The following LDLRAD4 variants were observed in gnomAD, a reference collection of about 807,000 sequenced individuals.
LDLRAD4 encodes low density lipoprotein receptor class A domain containing 4.
A neutral mutation model predicts 17.0 loss-of-function variants in LDLRAD4; 5 were observed. The ratio of observed to expected loss-of-function variants is 0.29; its 90% CI spans 0.15 to 0.62. LDLRAD4 has a LOEUF of 0.62. LDLRAD4 is among the 20% of genes least tolerant of loss of function. LDLRAD4 has a pLI of 0.84. For synonymous variants in LDLRAD4, 168 were observed against 171.8 expected (o/e 0.98, Z 0.17); for missense variants, 340 against 424.7 (o/e 0.80, Z 1.75).
At chr18:13,263,667 T>G (rs768964583) in intron 1 of LDLRAD4, among the ~76,000 whole-genome samples, 11 of 152,226 alleles carry the variant, frequency 7.2e-5, no homozygotes, top group African/African-American at 2.2e-4. Flanking sequence ...AAAAGGAAGA[T>G]GTTGGTAATC....
At chr18:13,476,485 A>C (rs1013267563) in intron 3 of LDLRAD4, among the ~76,000 whole-genome samples, 16 of 152,038 alleles carry the variant, frequency 1.1e-4, no homozygotes, top group African/African-American at 3.4e-4. Context: ...TTAGCCTGGC[A>C]TGGTGGTGTG....
Position 13,628,513 on chromosome 18 carries a change from C to A in LDLRAD4, c.336+7242C>A, listed in dbSNP as rs76773701. Among the ~76,000 whole-genome samples the A allele has an allele frequency of 4.0e-3, 609 of 152,364 alleles. 5 individuals are homozygous for A. Among genetic ancestry groups the A allele is most frequent in the East Asian group, 0.022 (113 of 5,190 alleles). On this transcript the variant is annotated intron_variant, in intron 4 of 5. Coordinates refer to ENST00000359446, the Ensembl canonical transcript of LDLRAD4. ...GCATGTCTGTCTGAGTGAGCAAGGACTTCCAATTATCAGGCTGCCCAGGTG... is the reference window on the plus strand; with the variant it reads ...GCATGTCTGTCTGAGTGAGCAAGGAATTCCAATTATCAGGCTGCCCAGGTG...
intron 3 of LDLRAD4, among the ~76,000 whole-genome samples, chr18:13,470,389 T>C (rs1400241069): frequency 6.6e-6 from 1 of 151,786 alleles, no homozygotes; most frequent in Non-Finnish European, 1.5e-5. Context: ...GGTTAGAAAA[T>C]CATACTGTCA....
intron 1 of LDLRAD4, among the ~76,000 whole-genome samples, chr18:13,375,474 G>A (rs2084837841): frequency 6.6e-6 from 1 of 152,204 alleles, no homozygotes; most frequent in Non-Finnish European, 1.5e-5. Flanking sequence ...GCTCGGCAGT[G>A]CGAGTGAGTC....
At position 13,226,180 on chromosome 18, in the gene LDLRAD4, C is replaced by CTTTTTTTTTTTTTTTTTTTTTTTTTTTT. The variant is rs71174166; in HGVS notation, c.-467+7213_-467+7214insTTTTTTTTTTTTTTTTTTTTTTTTTTTT. ...GGACTACAGATGCTGCCATGCCTTG[C>CTTTTTTTTTTTTTTTTTTTTTTTTTTTT]TTTTTTTTTTTTTTTTTTTTTGTAG... On this transcript the variant is annotated intron_variant, in intron 1 of 5. Coordinates refer to the LDLRAD4 transcript ENST00000399848. Among the ~76,000 whole-genome samples, 7 of 52,188 alleles carry CTTTTTTTTTTTTTTTTTTTTTTTTTTTT rather than the reference C, an allele frequency of 1.3e-4. 2 individuals are homozygous for CTTTTTTTTTTTTTTTTTTTTTTTTTTTT. Among genetic ancestry groups the CTTTTTTTTTTTTTTTTTTTTTTTTTTTT allele is most frequent in the Non-Finnish European group, 1.6e-4 (5 of 30,748 alleles). 34.2% of individuals were successfully genotyped at this position (52,188 alleles called of 152,430 possible).
intron 3 of LDLRAD4, among the ~76,000 whole-genome samples, chr18:13,525,601 G>T (rs77935572): frequency 0.024 from 3,623 of 152,362 alleles, 149 homozygotes; most frequent in African/African-American, 0.082. Flanking sequence ...GTCTGGGAAG[G>T]TCTTGGCATC....
chr18:13,525,887 C>A (rs373044510), intron 3 of LDLRAD4, among the ~76,000 whole-genome samples: 2 of 152,246 alleles, frequency 1.3e-5, no homozygotes, highest in East Asian at 3.8e-4. Context: ...GCCTCACCAC[C>A]CCCTTTATCA....
intron 1 of LDLRAD4, among the ~76,000 whole-genome samples, chr18:13,379,719 G>T (rs2085197115): frequency 6.6e-6 from 1 of 152,228 alleles, no homozygotes. Flanking sequence ...GAAGCCTGCT[G>T]TGAGCTGACA....
At chr18:13,355,875 C>A (rs1454128) in intron 1 of LDLRAD4, among the ~76,000 whole-genome samples, 44,645 of 152,140 alleles carry the variant, frequency 0.29, 6,602 homozygotes, top group South Asian at 0.36. Context: ...AAGTGATCCT[C>A]CCACCCTGGC....
chr18:13,324,918 CAT>C (rs2081439672), intron 1 of LDLRAD4, among the ~76,000 whole-genome samples: 2 of 152,266 alleles, frequency 1.3e-5, no homozygotes, highest in South Asian at 2.1e-4. Flanking sequence ...ATACATGTGA[CAT>C]GTGAAAGGAG....
intron 4 of LDLRAD4, among the ~76,000 whole-genome samples, chr18:13,635,229 C>T (rs569045821): frequency 2.0e-4 from 31 of 152,286 alleles, no homozygotes; most frequent in Non-Finnish European, 3.7e-4. Context: ...AGTGCCAGCA[C>T]GGTTGGGTTC....
chr18:13,426,608 C>T (rs1184522227), intron 2 of LDLRAD4, among the ~76,000 whole-genome samples: 1 of 152,174 alleles, frequency 6.6e-6, no homozygotes, highest in Non-Finnish European at 1.5e-5. Flanking sequence ...CACGCAATAG[C>T]TTGCCACCCA....
At chr18:13,568,712 T>C (rs1417725901) in intron 3 of LDLRAD4, among the ~76,000 whole-genome samples, 1 of 152,184 alleles carries the variant, frequency 6.6e-6, no homozygotes. Context: ...TCAGGACCTG[T>C]GGCCTTCGTT....
At chr18:13,506,915 G>A (rs547463809) in intron 3 of LDLRAD4, among the ~76,000 whole-genome samples, 1 of 152,284 alleles carries the variant, frequency 6.6e-6, no homozygotes, top group East Asian at 1.9e-4. Context: ...CTGCAGTTTC[G>A]GCGCTGACAG....
At chr18:13,525,035 G>C (rs565299112) in intron 3 of LDLRAD4, among the ~76,000 whole-genome samples, 2 of 152,194 alleles carry the variant, frequency 1.3e-5, no homozygotes, top group Non-Finnish European at 2.9e-5. Context: ...GTGTGCGTGC[G>C]CCTTTGCATG....
Position 13,610,761 on chromosome 18 carries a change from G to T in LDLRAD4, c.182-10356G>T, listed in dbSNP as rs1252748957. ...AAGGGGCGCTGGTAGCCAGGGAGGG[G>T]CGGCTTGAAGTGGCTGCAGCTTCTA... On this transcript the variant is annotated intron_variant, in intron 3 of 5. Coordinates refer to ENST00000359446, the Ensembl canonical transcript of LDLRAD4. 4.6e-5 allele frequency among the ~76,000 whole-genome samples: 7 copies of T among 152,184 alleles called. 1 individual carries two copies. The highest frequency in any genetic ancestry group is 4.6e-4 in the Admixed American group (7 of 15,284).
At chr18:13,252,763 A>C (rs186731239) in intron 1 of LDLRAD4, among the ~76,000 whole-genome samples, 1 of 152,342 alleles carries the variant, frequency 6.6e-6, no homozygotes, top group East Asian at 1.9e-4. Flanking sequence ...TGTGACATGC[A>C]GAACCAGCCT....
At position 13,390,247 on chromosome 18, in the gene LDLRAD4, C is replaced by T. The variant is rs1173979348; in HGVS notation, c.40+2485C>T. 5.3e-5 allele frequency among the ~76,000 whole-genome samples: 8 copies of T among 152,230 alleles called. No individual in the cohort carries two copies. The East Asian group carries it at 1.5e-3, about 29-fold the overall frequency. On this transcript the variant is annotated intron_variant, in intron 2 of 5. Transcript: ENST00000359446. ...CTGGCTGAGGAACAAGGTGTGCCAG[C>T]GGCAGTGGTGGGGTGTTCGCCACAG... is the stretch of plus-strand genomic sequence containing the variant.
At chr18:13,245,161 G>T (rs2042893550) in intron 1 of LDLRAD4, among the ~76,000 whole-genome samples, 1 of 152,184 alleles carries the variant, frequency 6.6e-6, no homozygotes, top group African/African-American at 2.4e-5. Flanking sequence ...CATTCCATGT[G>T]GAGCTCGTGG....
Sources: gnomAD v4.1 joint callset for allele counts (sites outside exome capture counted in the v4.1 genomes callset) on GRCh38, gnomAD v4.1.1 for gene constraint, MANE v1.5 for transcripts, NCBI Gene and HGNC (gene_info 2026-07-23, HGNC 2026-07-21) for gene names.